Variants in HELZ2 observed in about 807,000 individuals in gnomAD.
The protein encoded by HELZ2 is 3'-5' exoribonuclease HELZ2.
In HELZ2, 143 loss-of-function variants were observed where a neutral mutation model predicts 208.8. The observed-to-expected ratio is 0.68, with a 90% CI of 0.60 to 0.79. HELZ2 has a LOEUF of 0.79. Ranked by LOEUF, HELZ2 falls within the 30% of genes least tolerant of loss-of-function variation. The pLI is 0.00. For missense variants in HELZ2, 3,690 were observed against 3,794.5 expected, an observed-to-expected ratio of 0.97 and a Z score of 0.72; for synonymous variants, 1,705 against 1,693.7, an observed-to-expected ratio of 1.01 and a Z score of -0.16.
chr20:63,568,023 G>C (rs755370890), intron 5 of HELZ2: 4 of 534,572 alleles, frequency 7.5e-6, no homozygotes, highest in Non-Finnish European at 1.3e-5. Flanking sequence ...ATAAACCAAA[G>C]GGGAACCTTG....
At chr20:63,559,896 C>T (rs369010340) in intron 18 of HELZ2, 32 bp downstream of exon 19, 62 of 1,598,728 alleles carry the variant, frequency 3.9e-5, no homozygotes, top group Non-Finnish European at 4.8e-5. Context: ...CACCTGTGTT[C>T]CCACCCTGGA....
upstream of HELZ2, chr20:63,574,113 C>T (rs1348752962): frequency 6.7e-6 from 1 of 148,268 alleles, no homozygotes; most frequent in African/African-American, 2.5e-5. Flanking sequence ...GGGACCCCCG[C>T]GCTCACCCTC....
chr20:63,567,387 C>T (rs754644915), exon 6 of HELZ2: 24 of 1,591,108 alleles, frequency 1.5e-5, no homozygotes, highest in East Asian at 9.2e-5. Context: ...AGAAGCCGAC[C>T]GGCACCCTGA....
chr20:63,568,963 T>C, exon 5 of HELZ2: 1 of 1,604,400 alleles, frequency 6.2e-7, no homozygotes, highest in Non-Finnish European at 8.5e-7. Flanking sequence ...GCGTCTGCAA[T>C]GCCGTCTTCA....
intron 12 of HELZ2, 43 bp downstream of exon 13, chr20:63,561,558 G>A: frequency 1.3e-6 from 2 of 1,580,752 alleles, no homozygotes; most frequent in African/African-American, 1.3e-5. Flanking sequence ...TGTCTGGACA[G>A]CTCGGCCCCA....
At chr20:63,567,342 C>A in exon 6 of HELZ2, 1 of 1,605,934 alleles carries the variant, frequency 6.2e-7, no homozygotes, top group African/African-American at 1.3e-5. Flanking sequence ...CGCACTCCAG[C>A]ATCTGGGCCG....
rs768415913 is a variant in HELZ2 at position 63,566,210 on chromosome 20, A to C, written c.2612T>G (p.Val871Gly). 4.0e-6 allele frequency: 6 copies of C among 1,496,388 alleles called. No homozygotes were observed. The South Asian group carries it at 6.5e-5, about 16-fold the overall frequency. 92.7% of individuals were successfully genotyped at this position (1,496,388 alleles called of 1,614,324 possible). A position where few individuals can be genotyped will look rare whatever the true frequency, so the allele number is the denominator to read the frequency against. ...CTGGCAGGTGTGCACAGTGCTGAGC[A>C]CCACGACCCGGAACTGCCGCCCTGC... is the stretch of plus-strand genomic sequence containing the variant. The change falls in exon 8 of 19, where the codon GTG (valine) becomes GGG (glycine). Residue 871 changes from valine (V) to glycine (G), a missense_variant. Transcript: ENST00000467148.
exon 1 of HELZ2, chr20:63,572,114 C>T (rs1363654689): frequency 6.2e-7 from 1 of 1,608,076 alleles, no homozygotes; most frequent in African/African-American, 1.3e-5. Context: ...TTACTTTGGG[C>T]AGAGCTCGAA....
intron 6 of HELZ2, 49 bp downstream of exon 7, chr20:63,566,795 C>A: frequency 1.3e-6 from 2 of 1,516,558 alleles, no homozygotes; most frequent in South Asian, 1.2e-5. Context: ...AGCTCCCCCT[C>A]CCCCAGCAGG....
downstream of HELZ2, chr20:63,559,140 G>GAGGCAGGCTGGCCC: frequency 2.4e-6 from 3 of 1,262,008 alleles, no homozygotes; most frequent in Non-Finnish European, 3.2e-6. Flanking sequence ...CTGAGGCCAG[G>GAGGCAGGCTGGCCC]AGGCAGGCTG....
chr20:63,563,033 G>A, exon 8 of HELZ2: 1 of 1,600,558 alleles, frequency 6.2e-7, no homozygotes, highest in Non-Finnish European at 8.5e-7. Flanking sequence ...GTCCCTCGGG[G>A]CCCGGTACAC....
At chr20:63,566,914 T>C in exon 6 of HELZ2, 2 of 1,609,724 alleles carry the variant, frequency 1.2e-6, no homozygotes. Context: ...CCAGGTGTTG[T>C]AGGCCTCCTG....
At chr20:63,572,514 G>T, upstream of HELZ2, 2 of 1,034,520 alleles carry the variant, frequency 1.9e-6, no homozygotes, top group Non-Finnish European at 2.7e-6. Flanking sequence ...ACAAACTGTT[G>T]CTTGCGGCGG....
exon 1 of HELZ2, chr20:63,572,268 G>T: frequency 6.3e-7 from 1 of 1,586,490 alleles, no homozygotes; most frequent in Admixed American, 1.8e-5. Flanking sequence ...GGGCAGTACA[G>T]CTGGGCCCCA....
intron 5 of HELZ2, 116 bp downstream of exon 6, chr20:63,568,242 G>A (rs1373170392): frequency 2.2e-5 from 18 of 806,666 alleles, no homozygotes; most frequent in East Asian, 5.1e-5. Flanking sequence ...AAAGCTGGTC[G>A]GCTACAGGGA....
At chr20:63,567,790 G>C in intron 5 of HELZ2, 163 bp from the exon 7 acceptor site, 1 of 1,436,110 alleles carries the variant, frequency 7.0e-7, no homozygotes, top group South Asian at 1.4e-5. Flanking sequence ...GGAGTCCAAG[G>C]GGCAAGAGGC....
Position 63,563,956 on chromosome 20 carries a change from G to A in HELZ2, c.4866C>T (p.Val1622=), listed in dbSNP as rs535278060. Residue 1622 remains valine, a synonymous_variant, in exon 8 of 19, where the codon GTC becomes GTT. Coordinates refer to ENST00000467148, the Ensembl canonical transcript of HELZ2. ...GGAATGGGTGCATGTCGTCCGTGGT[G>A]ACCAAGTCCACCATCTGTTCGTAGT... 74 of 1,596,314 alleles carry A rather than the reference G, an allele frequency of 4.6e-5. No homozygotes were observed. The South Asian group carries it at 7.6e-4, about 16-fold the overall frequency.
exon 6 of HELZ2, chr20:63,567,074 C>T (rs1711849833): frequency 3.7e-6 from 6 of 1,612,168 alleles, no homozygotes; most frequent in Non-Finnish European, 4.2e-6. Flanking sequence ...ATGGGGTTGC[C>T]CTTGGCCACG....
At chr20:63,563,002 C>G (rs1043936422) in exon 8 of HELZ2, 5 of 1,601,388 alleles carry the variant, frequency 3.1e-6, no homozygotes, top group South Asian at 1.1e-5. Flanking sequence ...CGCAGGCGTA[C>G]TCATCCACGT....
Sources: allele counts gnomAD v4.1 joint callset, GRCh38; gene constraint gnomAD v4.1.1; transcripts MANE v1.5; gene names NCBI Gene and HGNC (gene_info 2026-07-23, HGNC 2026-07-21).